The following PRRC2B variants were observed in gnomAD, a reference collection of about 807,000 sequenced individuals.
PRRC2B encodes the protein protein PRRC2B.
A neutral mutation model predicts 242.3 loss-of-function variants in PRRC2B; 68 were observed. The ratio of observed to expected loss-of-function variants is 0.28; its 90% CI spans 0.23 to 0.34. The LOEUF (loss-of-function observed/expected upper bound fraction) is 0.34. Ranked by LOEUF, PRRC2B falls within the 10% of genes least tolerant of loss-of-function variation. PRRC2B has a pLI of 1.00. For missense variants in PRRC2B, 2,835 were observed against 2,954.8 expected, an observed-to-expected ratio of 0.96 and a Z score of 0.94; for synonymous variants, 1,228 against 1,173.6, an observed-to-expected ratio of 1.05 and a Z score of -0.95.
chr9:131,448,058 T>G (rs1300582854), intron 9 of PRRC2B: 1 of 356,090 alleles, frequency 2.8e-6, no homozygotes, highest in Admixed American at 4.5e-5. Context: ...TTTTAAAAAT[T>G]ATTGATGATG....
chr9:131,403,192 T>C (rs1015895758), intron 1 of PRRC2B, among the ~76,000 whole-genome samples: 2 of 152,214 alleles, frequency 1.3e-5, no homozygotes, highest in African/African-American at 2.4e-5. Context: ...CCTGCCTGCC[T>C]GCCCAACCGA....
At chr9:131,462,430 C>T (rs1417826376) in intron 11 of PRRC2B, among the ~76,000 whole-genome samples, 2 of 151,168 alleles carry the variant, frequency 1.3e-5, no homozygotes, top group East Asian at 4.0e-4. Context: ...TTTGGCTGGT[C>T]TTGAACTCCT....
At chr9:131,406,416 A>T (rs1423961985) in intron 1 of PRRC2B, among the ~76,000 whole-genome samples, 1 of 151,974 alleles carries the variant, frequency 6.6e-6, no homozygotes, top group African/African-American at 2.4e-5. Flanking sequence ...GTTTCAGGTA[A>T]ATGTCTTGGA....
At chr9:131,431,372 G>A (rs1300230351) in intron 2 of PRRC2B, among the ~76,000 whole-genome samples, 8 of 150,738 alleles carry the variant, frequency 5.3e-5, no homozygotes, top group African/African-American at 2.0e-4. Context: ...CCTCGTGATC[G>A]GCTTGCCTCG....
In PRRC2B at chr9:131,459,224, C is replaced by A; in HGVS notation, c.1272C>A (p.Asp424Glu). 1.2e-6 allele frequency: 2 copies of A among 1,613,944 alleles called. No individual in the cohort carries two copies. Among genetic ancestry groups the A allele is most frequent in the South Asian group, 2.2e-5 (2 of 91,074 alleles). Residue 424 changes from aspartate (D) to glutamate (E), a missense_variant, in exon 11 of 32, where the codon GAC becomes GAA. Around this residue, in one of 7 missense-constraint regions of PRRC2B, gnomAD observed 626 missense variants for 685.5 expected, o/e 0.91. Coordinates refer to ENST00000683519, the MANE Select transcript of PRRC2B (RefSeq NM_013318.4). ...QLSMSSADSADAKRTREEGKD... is the reference protein window; with the variant it reads ...QLSMSSADSAEAKRTREEGKD... ...CAATGAGCTCTGCAGACAGTGCGGACGCTAAGCGGACTCGAGAGGAAGGGA... is the reference window on the plus strand; with the variant it reads ...CAATGAGCTCTGCAGACAGTGCGGAAGCTAAGCGGACTCGAGAGGAAGGGA...
intron 2 of PRRC2B, among the ~76,000 whole-genome samples, chr9:131,432,046 G>A (rs1404733726): frequency 1.3e-5 from 2 of 152,018 alleles, no homozygotes; most frequent in Non-Finnish European, 2.9e-5. Context: ...TACCCACCTC[G>A]GCCTCCCAAA....
intron 1 of PRRC2B, among the ~76,000 whole-genome samples, chr9:131,401,385 CTTTTT>C (rs1320362682): frequency 7.2e-6 from 1 of 139,078 alleles, no homozygotes; most frequent in Admixed American, 7.3e-5. Flanking sequence ...ATTCTTTCTC[CTTTTT>C]TTTTTTTTTT....
upstream of PRRC2B, among the ~76,000 whole-genome samples, chr9:131,392,217 G>A (rs1836911066): frequency 6.6e-6 from 1 of 151,414 alleles, no homozygotes; most frequent in Non-Finnish European, 1.5e-5. Context: ...TTCTGCCTCA[G>A]CCTCCCAAGT....
intron 1 of PRRC2B, among the ~76,000 whole-genome samples, chr9:131,428,679 G>C (rs1351049679): frequency 6.6e-6 from 1 of 152,016 alleles, no homozygotes; most frequent in African/African-American, 2.4e-5. Flanking sequence ...TTATAGGTGT[G>C]AACCACCATG....
At chr9:131,441,857 C>G (rs1370150676) in intron 5 of PRRC2B, among the ~76,000 whole-genome samples, 1 of 152,238 alleles carries the variant, frequency 6.6e-6, no homozygotes, top group East Asian at 1.9e-4. Context: ...ACCAGTGGCT[C>G]AGCCTGTGAC....
intron 1 of PRRC2B, among the ~76,000 whole-genome samples, chr9:131,408,663 G>T (rs1837430042): frequency 6.6e-6 from 1 of 152,010 alleles, no homozygotes; most frequent in South Asian, 2.1e-4. Flanking sequence ...CTGTCCACCA[G>T]TTTGTTAACA....
intron 1 of PRRC2B, among the ~76,000 whole-genome samples, chr9:131,394,609 A>T (rs1008511365): frequency 6.6e-6 from 1 of 150,958 alleles, no homozygotes; most frequent in East Asian, 2.0e-4. Context: ...GCCGGGCTGC[A>T]GAGGCCGGAG....
At chr9:131,415,315 C>G (rs192950292) in intron 1 of PRRC2B, among the ~76,000 whole-genome samples, 1 of 152,218 alleles carries the variant, frequency 6.6e-6, no homozygotes, top group Admixed American at 6.5e-5. Flanking sequence ...CGTTCATTGA[C>G]TCAAGTAATT....
intron 1 of PRRC2B, among the ~76,000 whole-genome samples, chr9:131,394,664 C>A (rs985047851): frequency 1.3e-5 from 2 of 151,462 alleles, no homozygotes; most frequent in African/African-American, 4.8e-5. Flanking sequence ...GGTTCTGGGG[C>A]CGGCGTCTTT....
chr9:131,427,621 C>A (rs921074804), intron 1 of PRRC2B, among the ~76,000 whole-genome samples: 1 of 151,890 alleles, frequency 6.6e-6, no homozygotes, highest in Non-Finnish European at 1.5e-5. Context: ...TGAGCCACCG[C>A]ACCTGGCCCA....
At chr9:131,463,628 C>CCTT (rs1554763593) in intron 11 of PRRC2B, among the ~76,000 whole-genome samples, 2 of 125,780 alleles carry the variant, frequency 1.6e-5, no homozygotes, top group Non-Finnish European at 3.2e-5. Context: ...TTTAGGCATG[C>CCTT]TTTTTTTTTT....
At chr9:131,470,144 G>A (rs553168634) in intron 13 of PRRC2B, among the ~76,000 whole-genome samples, 1 of 152,198 alleles carries the variant, frequency 6.6e-6, no homozygotes, top group African/African-American at 2.4e-5. Context: ...AGCAGAAAGT[G>A]GAGGGCCAGT....
In PRRC2B at chr9:131,478,638, GGGGGCATGGGGCTGGA is replaced by G; in HGVS notation, c.4758+23_4758+38del. ...CGTGCAGGTGAGGGGCGGAGGGTGGGGGGGCATGGGGCTGGAGGGCAGGCTGGCAGATGCCCAGGAA... is the reference window on the plus strand; with the variant it reads ...CGTGCAGGTGAGGGGCGGAGGGTGGGGGGCAGGCTGGCAGATGCCCAGGAA... On this transcript the variant is annotated intron_variant, in intron 18 of 31. Coordinates refer to ENST00000683519, the MANE Select transcript of PRRC2B (RefSeq NM_013318.4). 1 of 1,409,130 alleles carries G rather than the reference GGGGGCATGGGGCTGGA, an allele frequency of 7.1e-7. No homozygotes were observed. Among genetic ancestry groups the G allele is most frequent in the Non-Finnish European group, 9.9e-7 (1 of 1,010,636 alleles). 87.3% of individuals were successfully genotyped at this position (1,409,130 alleles called of 1,614,324 possible). A position where few individuals can be genotyped will look rare whatever the true frequency, so the allele number is the denominator to read the frequency against.
At chr9:131,440,969 C>G (rs557490546) in intron 5 of PRRC2B, among the ~76,000 whole-genome samples, 28 of 152,214 alleles carry the variant, frequency 1.8e-4, no homozygotes, top group African/African-American at 6.5e-4. Flanking sequence ...AGTGTGGTGG[C>G]AGACACCTGT....
Sources: allele counts gnomAD v4.1 joint callset (sites outside exome capture counted in the v4.1 genomes callset), GRCh38; gene constraint gnomAD v4.1.1; regional missense constraint gnomAD v4.1.1; transcripts MANE v1.5; gene names NCBI Gene and HGNC (gene_info 2026-07-23, HGNC 2026-07-21).